Variants in ADK observed in about 807,000 individuals in gnomAD.
ADK encodes adenosine kinase, also known as N6,N6-dimethyladenosine kinase.
In ADK, 24 loss-of-function variants were observed where a neutral mutation model predicts 44.7. The observed-to-expected ratio is 0.54, with a 90% CI of 0.39 to 0.76. ADK has a LOEUF of 0.76. Ranked by LOEUF, ADK falls within the 30% of genes least tolerant of loss-of-function variation. The pLI is 0.00. For missense variants in ADK, 321 were observed against 425.1 expected (o/e 0.76, Z 2.15); for synonymous variants, 128 against 142.6 (o/e 0.90, Z 0.73).
chr10:74,235,930 T>G (rs1844942361), intron 3 of ADK, among the ~76,000 whole-genome samples: 1 of 152,220 alleles, frequency 6.6e-6, no homozygotes, highest in African/African-American at 2.4e-5. Context: ...TGCTTGCTGT[T>G]TGCCTTCTGC....
At chr10:74,319,752 A>T (rs1840746777) in intron 4 of ADK, among the ~76,000 whole-genome samples, 1 of 152,086 alleles carries the variant, frequency 6.6e-6, no homozygotes, top group African/African-American at 2.4e-5. Context: ...TATATGTTTT[A>T]GTTACTTTTA....
chr10:74,422,813 G>A (rs1844609182), intron 6 of ADK, among the ~76,000 whole-genome samples: 1 of 152,184 alleles, frequency 6.6e-6, no homozygotes, highest in Admixed American at 6.5e-5. Context: ...ACAGGGTTTA[G>A]TGCCAGAGGT....
At chr10:74,584,814 G>A (rs2133905869) in intron 7 of ADK, among the ~76,000 whole-genome samples, 1 of 152,268 alleles carries the variant, frequency 6.6e-6, no homozygotes, top group Non-Finnish European at 1.5e-5. Flanking sequence ...TGGTCTGGTG[G>A]CTCCATTCCC....
intron 6 of ADK, among the ~76,000 whole-genome samples, chr10:74,478,260 C>T (rs1846932185): frequency 6.6e-6 from 1 of 152,152 alleles, no homozygotes; most frequent in Non-Finnish European, 1.5e-5. Context: ...CATTATCACT[C>T]CCAGGCTAGA....
chr10:74,311,961 A>T (rs981578487), intron 3 of ADK, among the ~76,000 whole-genome samples: 1 of 152,018 alleles, frequency 6.6e-6, no homozygotes, highest in Non-Finnish European at 1.5e-5. Flanking sequence ...AGGTCAAGAG[A>T]TGGAGACCAT....
chr10:74,545,161 A>G (rs1193195374), intron 7 of ADK, among the ~76,000 whole-genome samples: 1 of 152,142 alleles, frequency 6.6e-6, no homozygotes, highest in Non-Finnish European at 1.5e-5. Context: ...TTTGACCACA[A>G]TTTATTGAGA....
At chr10:74,165,839 T>C (rs151145666) in intron 1 of ADK, among the ~76,000 whole-genome samples, 1 of 152,256 alleles carries the variant, frequency 6.6e-6, no homozygotes, top group African/African-American at 2.4e-5. Context: ...TTCACACATA[T>C]GTAGTTTTAT....
intron 3 of ADK, among the ~76,000 whole-genome samples, chr10:74,261,189 A>G (rs558580899): frequency 1.3e-5 from 2 of 152,292 alleles, no homozygotes; most frequent in Non-Finnish European, 2.9e-5. Context: ...TTAAACAAAT[A>G]TTTGGTCCCC....
intron 4 of ADK, among the ~76,000 whole-genome samples, chr10:74,342,904 A>G (rs1368210278): frequency 6.6e-6 from 1 of 152,082 alleles, no homozygotes; most frequent in Non-Finnish European, 1.5e-5. Flanking sequence ...TTCTATAAAC[A>G]AAACCATGTC....
chr10:74,655,336 T>G, intron 9 of ADK: 2 of 417,966 alleles, frequency 4.8e-6, no homozygotes, highest in Non-Finnish European at 9.4e-6. Flanking sequence ...AGAAAGTGAA[T>G]GTGTCAGACA....
Position 74,528,152 on chromosome 10 carries a change from A to G in ADK, c.726+2726A>G, listed in dbSNP as rs555078879. The G allele has an allele frequency of 1.9e-4, 197 of 1,029,748 alleles. No homozygotes were observed. In the African/African-American group the frequency reaches 2.9e-3, roughly 15 times the overall value. The allele number at this position is 1,029,748 out of a possible 1,614,324, so 63.8% of individuals were successfully genotyped here. On this transcript the variant is annotated intron_variant, in intron 7 of 10. Transcript: ENST00000539909. ...TCGAACAAACCTGAAAGTATAGATC[A>G]GAAGTTTCACTTGTTTCTCAGTTAT...
chr10:74,296,340 A>T (rs1320275504), intron 3 of ADK, among the ~76,000 whole-genome samples: 2 of 152,154 alleles, frequency 1.3e-5, no homozygotes, highest in Admixed American at 1.3e-4. Flanking sequence ...ATTATGTATT[A>T]AAAATGAGCA....
intron 3 of ADK, among the ~76,000 whole-genome samples, chr10:74,272,770 T>C (rs1053248807): frequency 6.6e-6 from 1 of 152,222 alleles, no homozygotes; most frequent in Non-Finnish European, 1.5e-5. Context: ...CATGAACTTA[T>C]CTGATTTATA....
chr10:74,556,779 T>C (rs1371474568), intron 7 of ADK, among the ~76,000 whole-genome samples: 1 of 152,240 alleles, frequency 6.6e-6, no homozygotes, highest in Non-Finnish European at 1.5e-5. Flanking sequence ...ATTATTGTTG[T>C]GTAAGGTTTT....
chr10:74,412,084 C>G (rs1844202113), intron 6 of ADK, among the ~76,000 whole-genome samples: 1 of 152,204 alleles, frequency 6.6e-6, no homozygotes, highest in Non-Finnish European at 1.5e-5. Context: ...ACTTCTTCCA[C>G]TGAAGTCTTG....
At chr10:74,281,035 T>C (rs1249768792) in intron 3 of ADK, among the ~76,000 whole-genome samples, 3 of 152,238 alleles carry the variant, frequency 2.0e-5, no homozygotes, top group Non-Finnish European at 4.4e-5. Flanking sequence ...AAATTCATAA[T>C]GCTCCAAAAT....
At chr10:74,240,135 CT>C (rs1845148627) in intron 3 of ADK, among the ~76,000 whole-genome samples, 2 of 152,208 alleles carry the variant, frequency 1.3e-5, no homozygotes, top group South Asian at 4.2e-4. Flanking sequence ...GTCCATCAGC[CT>C]CCCAAGTAGC....
intron 10 of ADK, among the ~76,000 whole-genome samples, chr10:74,694,480 TTTTG>T (rs969152747): frequency 5.9e-5 from 9 of 152,178 alleles, no homozygotes; most frequent in East Asian, 3.9e-4. Context: ...TTTTGGGGTT[TTTTG>T]TTTGTTTGTT....
At chr10:74,163,115 C>T (rs1205828271) in intron 1 of ADK, among the ~76,000 whole-genome samples, 17 of 151,922 alleles carry the variant, frequency 1.1e-4, no homozygotes, top group Admixed American at 9.2e-4. Flanking sequence ...TACAGGTGCC[C>T]GCTACCACAC....
Sources: allele counts gnomAD v4.1 joint callset (sites outside exome capture counted in the v4.1 genomes callset), GRCh38; gene constraint gnomAD v4.1.1; transcripts MANE v1.5; gene names NCBI Gene and HGNC (gene_info 2026-07-23, HGNC 2026-07-21).